The following CDH18 variants were observed in gnomAD, a reference collection of about 807,000 sequenced individuals.
The protein encoded by CDH18 is cadherin 18.
CDH18 carries 31 observed loss-of-function variants against 67.9 expected under a neutral mutation model. That is an observed-to-expected ratio of 0.46 (90% CI 0.34 to 0.62). The LOEUF is 0.62. CDH18 is among the 20% of genes least tolerant of loss of function. CDH18 has a pLI of 0.01. For missense variants in CDH18, 890 were observed against 975.5 expected, an observed-to-expected ratio of 0.91 and a Z score of 1.17; for synonymous variants, 362 against 347.2, an observed-to-expected ratio of 1.04 and a Z score of -0.48.
In CDH18 at chr5:19,590,411, A is replaced by C. The variant is rs190965209; in HGVS notation, c.999+646T>G. Reference sequence around the variant, plus strand: ...TTTAAATCAATATAAAATTATAATTACTAGAAGAAGAATTAATGAGATTTC... The same window carrying C: ...TTTAAATCAATATAAAATTATAATTCCTAGAAGAAGAATTAATGAGATTTC... On this transcript the variant is annotated intron_variant, in intron 7 of 12. Transcript: ENST00000382275. Among the ~76,000 whole-genome samples the C allele has an allele frequency of 9.7e-3, 1,472 of 152,202 alleles. 16 individuals are homozygous for C. The highest frequency in any genetic ancestry group is 0.014 in the Middle Eastern group (4 of 294).
chr5:20,087,224 T>C (rs1177757091), intron 2 of CDH18, among the ~76,000 whole-genome samples: 1 of 152,100 alleles, frequency 6.6e-6, no homozygotes, highest in Non-Finnish European at 1.5e-5. Context: ...TGCAATCTCA[T>C]GACAAAGGTT....
Position 20,255,220 on chromosome 5 carries a change from A to G in CDH18, c.-518+224T>C, listed in dbSNP as rs151048586. On this transcript the variant is annotated intron_variant, in intron 2 of 14. Transcript: ENST00000507958. The stretch of plus-strand genomic sequence containing the variant: ...ATATACCCATATAACAAACTTGCAC[A>G]TGTACCCCCATATATAAACAAAAGT... Among the ~76,000 whole-genome samples the G allele has an allele frequency of 3.7e-3, 563 of 152,264 alleles. 4 individuals are homozygous for G. The highest frequency in any genetic ancestry group is 5.2e-3 in the Non-Finnish European group (357 of 68,016).
chr5:19,677,241 G>C (rs1339987624), intron 5 of CDH18, among the ~76,000 whole-genome samples: 2 of 152,000 alleles, frequency 1.3e-5, no homozygotes, highest in African/African-American at 4.8e-5. Flanking sequence ...GAAGCGATTG[G>C]GGATGTGTTT....
intron 7 of CDH18, among the ~76,000 whole-genome samples, chr5:19,585,511 G>A (rs953595825): frequency 2.0e-5 from 3 of 152,116 alleles, no homozygotes; most frequent in South Asian, 2.1e-4. Context: ...TACTATCTTA[G>A]GTTGTTTCCT....
At chr5:19,536,151 CCAG>C (rs1393655674) in intron 9 of CDH18, among the ~76,000 whole-genome samples, 8 of 152,002 alleles carry the variant, frequency 5.3e-5, no homozygotes, top group Non-Finnish European at 1.2e-4. Context: ...ATAAGTTAGA[CCAG>C]ATTTCTAAAC....
intron 1 of CDH18, among the ~76,000 whole-genome samples, chr5:20,407,989 TAAG>T (rs1746438066): frequency 6.6e-6 from 1 of 151,870 alleles, no homozygotes; most frequent in African/African-American, 2.4e-5. Context: ...TAGTCAAAGA[TAAG>T]AAGATATATT....
rs116487936 is a variant in CDH18, at chr5:19,994,236, T to C, written c.-517-2222A>G. On this transcript the variant is annotated intron_variant, in intron 2 of 14. Transcript: ENST00000507958. ...GTGTGTATATGTGCATACATGTATA[T>C]ACACACACATATACACATATATACA... 2.1e-3 allele frequency among the ~76,000 whole-genome samples: 313 copies of C among 151,738 alleles called. 2 individuals carry two copies. Among genetic ancestry groups the C allele is most frequent in the African/African-American group, 7.0e-3 (292 of 41,456 alleles).
chr5:20,132,009 T>C (rs1749309379), intron 2 of CDH18, among the ~76,000 whole-genome samples: 1 of 152,112 alleles, frequency 6.6e-6, no homozygotes, highest in Non-Finnish European at 1.5e-5. Flanking sequence ...TGCCTCAGCT[T>C]CCCAAGTAGC....
chr5:19,495,731 AAAAAAAAAAAAG>A lies in CDH18; in HGVS notation c.1630+7249_1630+7260del, dbSNP rs1383543335. ...TGAAACTGTCTCAAAAAAAAAAAAA[AAAAAAAAAAAAG>A]AAAGAAAGAAAGAAAAGAATATCTC... On this transcript the variant is annotated intron_variant, in intron 11 of 12. Transcript: ENST00000382275. Among the ~76,000 whole-genome samples the A allele has an allele frequency of 3.9e-3, 592 of 149,884 alleles. 4 individuals carry two copies. The highest frequency in any genetic ancestry group is 7.0e-3 in the Non-Finnish European group (473 of 67,466).
chr5:20,420,565 T>A (rs74363533), intron 1 of CDH18, among the ~76,000 whole-genome samples: 3,275 of 151,324 alleles, frequency 0.022, 107 homozygotes, highest in African/African-American at 0.027. Flanking sequence ...TGACTCTAAG[T>A]TACAACAGTT....
intron 2 of CDH18, among the ~76,000 whole-genome samples, chr5:20,093,321 T>C (rs1471419753): frequency 6.6e-6 from 1 of 151,448 alleles, no homozygotes; most frequent in Non-Finnish European, 1.5e-5. Flanking sequence ...TCTCCCCAAA[T>C]TGAGACTGAG....
At chr5:20,126,398 T>C (rs1174321464) in intron 2 of CDH18, among the ~76,000 whole-genome samples, 1 of 152,214 alleles carries the variant, frequency 6.6e-6, no homozygotes, top group Non-Finnish European at 1.5e-5. Flanking sequence ...ATGAAGTTTG[T>C]CTTGGAAAAG....
At chr5:19,625,564 G>A (rs1273984520) in intron 5 of CDH18, among the ~76,000 whole-genome samples, 2 of 152,026 alleles carry the variant, frequency 1.3e-5, no homozygotes, top group East Asian at 1.9e-4. Flanking sequence ...GGGATTGCTC[G>A]GTCCCAAGCC....
At chr5:19,476,250 A>G (rs544148809) in intron 12 of CDH18, among the ~76,000 whole-genome samples, 8 of 152,220 alleles carry the variant, frequency 5.3e-5, no homozygotes, top group South Asian at 4.1e-4. Flanking sequence ...AGAAAATTCA[A>G]TGAGGGTCAC....
intron 2 of CDH18, among the ~76,000 whole-genome samples, chr5:19,925,202 G>C (rs73059677): frequency 0.012 from 1,781 of 152,250 alleles, 34 homozygotes; most frequent in African/African-American, 0.041. Flanking sequence ...TACAAGATGA[G>C]TCTTCCTGAA....
chr5:19,805,490 T>C (rs1465683037), intron 3 of CDH18, among the ~76,000 whole-genome samples: 1 of 152,162 alleles, frequency 6.6e-6, no homozygotes. Flanking sequence ...TCTTTCTCCA[T>C]GGCTTCAATT....
intron 2 of CDH18, among the ~76,000 whole-genome samples, chr5:19,911,418 A>T (rs1422559236): frequency 6.6e-6 from 1 of 152,044 alleles, no homozygotes; most frequent in Non-Finnish European, 1.5e-5. Flanking sequence ...TCTGTTATGC[A>T]CTGAAAGGTC....
At chr5:19,699,612 A>ATGTG (rs760334528) in intron 5 of CDH18, among the ~76,000 whole-genome samples, 9 of 139,084 alleles carry the variant, frequency 6.5e-5, no homozygotes, top group South Asian at 2.3e-4. Flanking sequence ...CTCTTTCTCC[A>ATGTG]TGTGTGTGTG....
At chr5:20,573,845 GTATTTATATATAAAAGAAATATATATA>G (rs1758952588) in intron 1 of CDH18, among the ~76,000 whole-genome samples, 1 of 25,744 alleles carries the variant, frequency 3.9e-5, no homozygotes. Flanking sequence ...ATATATATAT[GTATTTATATATAAAAGAAATATATATA>G]TGTATTTATA....
Sources: gnomAD v4.1 joint callset for allele counts (sites outside exome capture counted in the v4.1 genomes callset) on GRCh38, gnomAD v4.1.1 for gene constraint, MANE v1.5 for transcripts, NCBI Gene and HGNC (gene_info 2026-07-23, HGNC 2026-07-21) for gene names.